Variants in DAB2IP observed in about 807,000 individuals in gnomAD.
DAB2IP encodes the protein disabled homolog 2-interacting protein.
DAB2IP carries 28 observed loss-of-function variants against 107.2 expected under a neutral mutation model. That is an observed-to-expected ratio of 0.26 (90% CI 0.19 to 0.36). The LOEUF is 0.36. Ranked by LOEUF, DAB2IP falls within the 10% of genes least tolerant of loss-of-function variation. DAB2IP has a pLI of 1.00. For missense variants in DAB2IP, 1,400 were observed against 1,644.7 expected (o/e 0.85, Z 2.57); for synonymous variants, 755 against 706.4 (o/e 1.07, Z -1.09).
chr9:121,671,789 C>T (rs932207146), intron 1 of DAB2IP, among the ~76,000 whole-genome samples: 4 of 152,168 alleles, frequency 2.6e-5, no homozygotes, highest in Non-Finnish European at 5.9e-5. Flanking sequence ...GTCCTCCCTT[C>T]CTTGCTGTGT....
In DAB2IP at chr9:121,760,120, A is replaced by C; in HGVS notation, c.851A>C (p.Lys284Thr). The change falls in exon 6 of 16, where the codon AAG becomes ACG. Residue 284 changes from lysine (K) to threonine (T), a missense_variant. By Grantham distance (78) the Lys-to-Thr change is moderately conservative. Transcript: ENST00000408936. This position sits in a 1 kb window ranked among gnomAD's most constrained non-coding sequence, Gnocchi z 5.9. The stretch of plus-strand genomic sequence containing the variant: ...TACCGGGAGACCGACAAGAAGAAGA[A>C]GAAGGAGCGCAACAGTTACCTGGGC... 1 of 1,613,968 alleles carries C rather than the reference A, an allele frequency of 6.2e-7. No homozygotes were observed. The highest frequency in any genetic ancestry group is 8.5e-7 in the Non-Finnish European group (1 of 1,180,010).
chr9:121,733,010 T>A (rs539463245), intron 3 of DAB2IP, among the ~76,000 whole-genome samples: 1 of 152,370 alleles, frequency 6.6e-6, no homozygotes, highest in South Asian at 2.1e-4. Flanking sequence ...CTTCCTGAGT[T>A]GGCCCTCAAT....
At chr9:121,674,196 A>G (rs552266144) in intron 1 of DAB2IP, among the ~76,000 whole-genome samples, 2 of 152,292 alleles carry the variant, frequency 1.3e-5, no homozygotes, top group African/African-American at 4.8e-5. Context: ...GGCAGCCCAG[A>G]TGACTCTCCC....
At chr9:121,650,879 T>C (rs1322513556), upstream of DAB2IP, among the ~76,000 whole-genome samples, 1 of 152,026 alleles carries the variant, frequency 6.6e-6, no homozygotes, top group East Asian at 1.9e-4. Flanking sequence ...GGGACTTTGG[T>C]TGGGGCAAGA....
intron 3 of DAB2IP, among the ~76,000 whole-genome samples, chr9:121,706,628 C>T (rs1830070570): frequency 1.3e-5 from 2 of 152,170 alleles, no homozygotes; most frequent in African/African-American, 4.8e-5. Context: ...TGTACCTGCC[C>T]ACCTACCTCA....
intron 1 of DAB2IP, among the ~76,000 whole-genome samples, chr9:121,568,667 A>G (rs959609599): frequency 6.6e-6 from 1 of 152,092 alleles, no homozygotes; most frequent in Non-Finnish European, 1.5e-5. Context: ...CTGCCTCCAG[A>G]GCTGTTCACT....
At chr9:121,622,939 G>A (rs1831523264) in intron 1 of DAB2IP, among the ~76,000 whole-genome samples, 1 of 152,144 alleles carries the variant, frequency 6.6e-6, no homozygotes, top group South Asian at 2.1e-4. Context: ...CTTGTTTAAT[G>A]CTCACAGCCT....
intron 1 of DAB2IP, among the ~76,000 whole-genome samples, chr9:121,627,335 C>G (rs546523772): frequency 6.6e-6 from 1 of 151,954 alleles, no homozygotes; most frequent in African/African-American, 2.4e-5. Flanking sequence ...TTTATTCAAC[C>G]AGGCCCCCTG....
intron 1 of DAB2IP, among the ~76,000 whole-genome samples, chr9:121,607,260 A>T (rs1411256762): frequency 2.6e-5 from 4 of 151,992 alleles, no homozygotes; most frequent in African/African-American, 9.7e-5. Context: ...AGAGAGATTG[A>T]TGATGGTCTG....
rs768711677 is a variant in DAB2IP at position 121,782,442 on chromosome 9, C to G, written c.3514C>G (p.Pro1172Ala). Reference sequence around the variant, plus strand: ...CCGTAACGGCATCTCCCCCACCAACCCCACCAAATTGCAGATTACTGAGAA... The same window carrying G: ...CCGTAACGGCATCTCCCCCACCAACGCCACCAAATTGCAGATTACTGAGAA... The change falls in exon 16 of 16, where the codon CCC becomes GCC. Residue 1172 changes from proline (P) to alanine (A), a missense_variant. Pro to Ala is a conservative substitution (Grantham distance 27, BLOSUM62 -1). Around this residue, in one of 3 missense-constraint regions of DAB2IP, gnomAD observed 600 missense variants for 659.1 expected, o/e 0.91. Coordinates refer to ENST00000408936, the Ensembl canonical transcript of DAB2IP. This position sits in a 1 kb window ranked among gnomAD's most constrained non-coding sequence, Gnocchi z 6.1. 1 of 1,614,112 alleles carries G rather than the reference C, an allele frequency of 6.2e-7. No individual in the cohort carries two copies. The highest frequency in any genetic ancestry group is 8.5e-7 in the Non-Finnish European group (1 of 1,179,982).
chr9:121,743,505 A>G (rs1832499631), intron 3 of DAB2IP, among the ~76,000 whole-genome samples: 1 of 152,108 alleles, frequency 6.6e-6, no homozygotes, highest in African/African-American at 2.4e-5. Flanking sequence ...AGGCCCAAGT[A>G]GGACACTGGC....
Position 121,760,293 on chromosome 9 carries a change from A to G in DAB2IP, c.1024A>G (p.Met342Val), listed in dbSNP as rs1025468666. 6.2e-7 allele frequency: 1 copy of G among 1,613,786 alleles called. No homozygotes were observed. Among genetic ancestry groups the G allele is most frequent in the Non-Finnish European group, 8.5e-7 (1 of 1,180,034 alleles). ...CTACCAAACCATCACCATCCTGCCCATGGAGATGTACAAAGAGTTCGCTGA... is the reference window on the plus strand; with the variant it reads ...CTACCAAACCATCACCATCCTGCCCGTGGAGATGTACAAAGAGTTCGCTGA... Residue 342 changes from methionine to valine, a missense_variant, in exon 6 of 16, where the codon ATG becomes GTG. By Grantham distance (21) the Met-to-Val change is conservative. This residue lies in a region of DAB2IP where 517 missense variants were observed against 748.6 expected (regional missense o/e 0.69). Transcript: ENST00000408936. This position sits in a 1 kb window ranked among gnomAD's most constrained non-coding sequence, Gnocchi z 5.9.
chr9:121,645,868 C>T (rs1165025961), intron 1 of DAB2IP, among the ~76,000 whole-genome samples: 1 of 152,096 alleles, frequency 6.6e-6, no homozygotes, highest in Non-Finnish European at 1.5e-5. Flanking sequence ...TGTAGGTGGC[C>T]CTTTGGGGAA....
intron 1 of DAB2IP, among the ~76,000 whole-genome samples, chr9:121,669,575 A>G (rs1301318298): frequency 2.0e-5 from 3 of 152,202 alleles, no homozygotes; most frequent in Non-Finnish European, 2.9e-5. Flanking sequence ...ATCTGCTGTC[A>G]GAAGGCAGAG....
At chr9:121,769,386 T>C (rs1484501882) in intron 10 of DAB2IP, among the ~76,000 whole-genome samples, 4 of 152,166 alleles carry the variant, frequency 2.6e-5, no homozygotes, top group African/African-American at 7.2e-5. Flanking sequence ...CGCACACACA[T>C]AGAGCTCTTT....
intron 3 of DAB2IP, among the ~76,000 whole-genome samples, chr9:121,745,227 C>G (rs986248738): frequency 6.6e-6 from 1 of 152,186 alleles, no homozygotes; most frequent in East Asian, 1.9e-4. Context: ...ACGTGCCCTT[C>G]CCAGGTATGT....
exon 16 of DAB2IP, chr9:121,784,200 A>T (rs1219428584): frequency 6.5e-6 from 1 of 154,592 alleles, no homozygotes; most frequent in African/African-American, 2.4e-5. Flanking sequence ...CCACAGGAAG[A>T]TGGGAGGTGG....
chr9:121,763,081 A>C (rs1304663239), intron 6 of DAB2IP, among the ~76,000 whole-genome samples: 1 of 152,228 alleles, frequency 6.6e-6, no homozygotes, highest in Non-Finnish European at 1.5e-5. Context: ...ACTGATGGCC[A>C]TTCTTACCAT....
intron 1 of DAB2IP, 62 bp from the exon 2 acceptor site, chr9:121,678,614 GGA>G: frequency 7.6e-7 from 1 of 1,315,266 alleles, no homozygotes; most frequent in African/African-American, 1.5e-5. Context: ...GGGAGTGGCA[GGA>G]GGCCCTAGCT....
Sources: gnomAD v4.1 joint callset for allele counts (sites outside exome capture counted in the v4.1 genomes callset) on GRCh38, gnomAD v4.1.1 for gene constraint, gnomAD v4.1.1 regional missense constraint, Gnocchi (gnomAD v3.1) non-coding constraint, MANE v1.5 for transcripts, NCBI Gene and HGNC (gene_info 2026-07-23, HGNC 2026-07-21) for gene names.